LNPEP: variants seen among roughly 807,000 people sequenced by gnomAD.
LNPEP encodes the protein leucyl and cystinyl aminopeptidase.
A neutral mutation model predicts 120.6 loss-of-function variants in LNPEP; 64 were observed. The observed-to-expected ratio is 0.53, with a 90% CI of 0.43 to 0.65. The LOEUF is 0.65. Ranked by LOEUF, LNPEP falls within the 30% of genes least tolerant of loss-of-function variation. LNPEP has a pLI of 0.00. For synonymous variants in LNPEP, 435 were observed against 425.4 expected (o/e 1.02, Z -0.28); for missense variants, 1,057 against 1,200.0 (o/e 0.88, Z 1.76).
chr5:97,013,085 T>C (rs1353684195), intron 11 of LNPEP, among the ~76,000 whole-genome samples: 2 of 152,152 alleles, frequency 1.3e-5, no homozygotes, highest in African/African-American at 4.8e-5. Context: ...CTCTTTCCTC[T>C]AGCCATAATG....
chr5:96,989,350 ATTATATATT>A (rs1561443126), intron 4 of LNPEP, among the ~76,000 whole-genome samples: 1,030 of 25,050 alleles, frequency 0.041, 16 homozygotes, highest in African/African-American at 0.13. Flanking sequence ...TATATAATAT[ATTATATATT>A]ATATATAATT....
intron 13 of LNPEP, among the ~76,000 whole-genome samples, chr5:97,020,976 G>A (rs1379638470): frequency 6.6e-6 from 1 of 152,082 alleles, no homozygotes; most frequent in Non-Finnish European, 1.5e-5. Flanking sequence ...GTATTAACAG[G>A]TTTGGTGTTT....
intron 4 of LNPEP, among the ~76,000 whole-genome samples, chr5:96,988,989 C>G (rs1790308496): frequency 6.6e-6 from 1 of 152,014 alleles, no homozygotes. Flanking sequence ...CCCACATACA[C>G]ACTGCATTCT....
intron 1 of LNPEP, among the ~76,000 whole-genome samples, chr5:96,954,616 C>CTA (rs201420732): frequency 1.5e-5 from 1 of 68,566 alleles, no homozygotes; most frequent in African/African-American, 4.8e-5. Context: ...CTCTCTCTCT[C>CTA]TCTATATATA....
chr5:97,000,244 A>C (rs1372189896), intron 8 of LNPEP, among the ~76,000 whole-genome samples: 1 of 152,250 alleles, frequency 6.6e-6, no homozygotes, highest in African/African-American at 2.4e-5. Flanking sequence ...CTGTATGGTG[A>C]CATTTGAACA....
At chr5:97,023,434 A>C (rs1791263147) in intron 14 of LNPEP, among the ~76,000 whole-genome samples, 1 of 152,014 alleles carries the variant, frequency 6.6e-6, no homozygotes, top group South Asian at 2.1e-4. Context: ...TTGTATATTT[A>C]GTAGAGACGG....
At chr5:96,968,955 T>C (rs1403131317) in intron 1 of LNPEP, among the ~76,000 whole-genome samples, 1 of 152,114 alleles carries the variant, frequency 6.6e-6, no homozygotes, top group African/African-American at 2.4e-5. Context: ...ACAGGGCCAC[T>C]GGGTCTCTTA....
chr5:96,950,961 G>A (rs1789306416), intron 1 of LNPEP, among the ~76,000 whole-genome samples: 1 of 152,190 alleles, frequency 6.6e-6, no homozygotes, highest in African/African-American at 2.4e-5. Context: ...TTCGACAACA[G>A]ATATTTATTT....
Position 97,008,337 on chromosome 5 carries a change from G to GTTTTTTTTTTTTTT in LNPEP, c.2035+1840_2035+1853dup, listed in dbSNP as rs781727347. ...TTGATTTTTTTGTTTGTTTTTTCTT[G>GTTTTTTTTTTTTTT]TTTTTTTTTTTTTTTTTTTTTTTTT... On this transcript the variant is annotated intron_variant, in intron 11 of 17. Coordinates refer to ENST00000231368, the MANE Select transcript of LNPEP (RefSeq NM_005575.3). 4.2e-3 allele frequency among the ~76,000 whole-genome samples: 253 copies of GTTTTTTTTTTTTTT among 59,850 alleles called. 24 individuals carry two copies. Among genetic ancestry groups the GTTTTTTTTTTTTTT allele is most frequent in the Non-Finnish European group, 5.3e-3 (184 of 34,910 alleles). 39.3% of individuals were successfully genotyped at this position (59,850 alleles called of 152,430 possible).
intron 13 of LNPEP, among the ~76,000 whole-genome samples, chr5:97,021,642 G>T (rs1300383616): frequency 6.6e-6 from 1 of 152,070 alleles, no homozygotes; most frequent in African/African-American, 2.4e-5. Context: ...ATACTTTTTG[G>T]CAGGAAAATA....
chr5:96,986,344 A>G (rs1264003820), intron 3 of LNPEP, among the ~76,000 whole-genome samples, 195 bp from the exon 4 acceptor site: 4 of 152,214 alleles, frequency 2.6e-5, no homozygotes, highest in Non-Finnish European at 4.4e-5. Flanking sequence ...TGTGCTCCAT[A>G]TGTCCTCAGG....
chr5:97,003,380 TTTTC>T lies in LNPEP; in HGVS notation c.1654-27_1654-24del, dbSNP rs757655864. On this transcript the variant is annotated intron_variant, in intron 8 of 17. Transcript: ENST00000231368. ...TTCGATAATCTATAGTATTCTATTA[TTTTC>T]TTTCTTTTTCCTCACTTTTTTTTTT... 44 of 1,222,582 alleles carry T rather than the reference TTTTC, an allele frequency of 3.6e-5. 1 individual carries two copies. The highest frequency in any genetic ancestry group is 3.4e-4 in the South Asian group (24 of 71,612). The allele number at this position is 1,222,582 out of a possible 1,614,324, so 75.7% of individuals were successfully genotyped here.
chr5:96,966,861 A>G (rs907626287), intron 1 of LNPEP, among the ~76,000 whole-genome samples: 3 of 152,106 alleles, frequency 2.0e-5, no homozygotes, highest in Non-Finnish European at 4.4e-5. Flanking sequence ...TCATTAGCAT[A>G]ATTTCCCCCT....
intron 17 of LNPEP, 98 bp from the exon 18 acceptor site, chr5:97,028,304 A>G (rs1582039526): frequency 9.3e-6 from 10 of 1,076,820 alleles, no homozygotes; most frequent in African/African-American, 1.6e-5. Flanking sequence ...AGATAGCAGC[A>G]CAGCCATCAC....
In LNPEP at chr5:97,010,298, T is replaced by C. The variant is rs1394800356; in HGVS notation, c.2036-3350T>C. ...AATGCAAAACATTCATGTTTCCAAA[T>C]GGATATCACTATCAGAAATACTGCT... On this transcript the variant is annotated intron_variant, in intron 11 of 17. Coordinates refer to ENST00000231368, the MANE Select transcript of LNPEP (RefSeq NM_005575.3). 6.2e-6 allele frequency: 6 copies of C among 972,428 alleles called. No homozygotes were observed. The African/African-American group carries it at 1.1e-4, about 17-fold the overall frequency. The allele number at this position is 972,428 out of a possible 1,614,324, so 60.2% of individuals were successfully genotyped here. A position where few individuals can be genotyped will look rare whatever the true frequency, so the allele number is the denominator to read the frequency against.
chr5:97,021,721 T>G (rs185323813), intron 13 of LNPEP, among the ~76,000 whole-genome samples: 1 of 152,186 alleles, frequency 6.6e-6, no homozygotes, highest in East Asian at 1.9e-4. Flanking sequence ...TTTTCTGAGT[T>G]AACATCACTA....
rs1277205168 is a variant in LNPEP at position 97,031,142 on chromosome 5, G to T, written c.*2609G>T. On this transcript the variant is annotated 3_prime_UTR_variant, in exon 18 of 18. Transcript: ENST00000231368. ...TGAACAAGTGTTCTCATTGCAGAGA[G>T]ATCTACTTGAATATAAAAGGGTCAT... is the stretch of plus-strand genomic sequence containing the variant. The T allele has an allele frequency of 2.7e-5, 4 of 150,754 alleles. No homozygotes were observed. The highest frequency in any genetic ancestry group is 5.9e-5 in the Non-Finnish European group (4 of 67,782). The allele number at this position is 150,754 out of a possible 1,614,324, so 9.3% of individuals were successfully genotyped here. A position where few individuals can be genotyped will look rare whatever the true frequency, so the allele number is the denominator to read the frequency against.
intron 2 of LNPEP, among the ~76,000 whole-genome samples, chr5:96,982,341 T>C (rs144518041): frequency 6.7e-4 from 102 of 152,338 alleles, no homozygotes; most frequent in South Asian, 1.4e-3. Context: ...TGATAAAGTG[T>C]TCAACTTTAG....
At chr5:97,011,716 A>T (rs192676369) in intron 11 of LNPEP, among the ~76,000 whole-genome samples, 1 of 152,226 alleles carries the variant, frequency 6.6e-6, no homozygotes. Flanking sequence ...TCTGCCCTTG[A>T]AAAAGGAATA....
Sources: gnomAD v4.1 joint callset for allele counts (sites outside exome capture counted in the v4.1 genomes callset) on GRCh38, gnomAD v4.1.1 for gene constraint, MANE v1.5 for transcripts, NCBI Gene and HGNC (gene_info 2026-07-23, HGNC 2026-07-21) for gene names.